Variants in CACNB2 observed in about 807,000 individuals in gnomAD.
CACNB2 encodes calcium voltage-gated channel auxiliary subunit beta 2, also known as voltage-dependent L-type calcium channel subunit beta-2.
Under a neutral mutation model 73.3 loss-of-function variants are expected in CACNB2, and 42 were observed. That is an observed-to-expected ratio of 0.57 (90% CI 0.45 to 0.74). The LOEUF (loss-of-function observed/expected upper bound fraction) is 0.74, where lower values mean the gene tolerates loss of function less well. Among genes scored for constraint, CACNB2 ranks in the 30% least tolerant of loss-of-function variants. CACNB2 has a pLI of 0.00. For synonymous variants in CACNB2, 348 were observed against 310.3 expected, an observed-to-expected ratio of 1.12 and a Z score of -1.28; for missense variants, 940 against 853.0, an observed-to-expected ratio of 1.10 and a Z score of -1.27.
rs764050459 is a variant in CACNB2 at position 18,518,333 on chromosome 10, C to A, written c.805-3C>A. The A allele has an allele frequency of 6.2e-7, 1 of 1,608,634 alleles. No individual in the cohort carries two copies. Among genetic ancestry groups the A allele is most frequent in the Non-Finnish European group, 8.5e-7 (1 of 1,175,010 alleles). On this transcript the variant is annotated splice_polypyrimidine_tract_variant and splice_region_variant and intron_variant, in intron 7 of 13. Transcript: ENST00000324631. ...CGTCTAAAAGCCTCTCCTCTCTCTG[C>A]AGACAGAGCACACTCCTCCGTATGA...
At chr10:18,437,601 G>A (rs918408212) in intron 3 of CACNB2, among the ~76,000 whole-genome samples, 5 of 152,146 alleles carry the variant, frequency 3.3e-5, no homozygotes, top group African/African-American at 9.7e-5. Flanking sequence ...ATTCAATCAC[G>A]TGGGCCAATC....
chr10:18,314,168 C>T (rs1449550904), intron 2 of CACNB2, among the ~76,000 whole-genome samples: 2 of 152,024 alleles, frequency 1.3e-5, no homozygotes, highest in Non-Finnish European at 1.5e-5. Flanking sequence ...ACTAAATTCC[C>T]GATATTGTGG....
chr10:18,260,153 CAT>C (rs1251107344), intron 2 of CACNB2, among the ~76,000 whole-genome samples: 11 of 152,274 alleles, frequency 7.2e-5, no homozygotes, highest in South Asian at 2.1e-4. Context: ...TGAATCTCCA[CAT>C]GTCTTAATGA....
intron 2 of CACNB2, among the ~76,000 whole-genome samples, chr10:18,373,091 C>T (rs919255992): frequency 2.6e-5 from 4 of 152,132 alleles, no homozygotes; most frequent in East Asian, 1.9e-4. Context: ...GCTAGGATTA[C>T]AGGTGTGAGC....
chr10:18,171,507 C>A (rs372290454), intron 2 of CACNB2, among the ~76,000 whole-genome samples: 1 of 90,402 alleles, frequency 1.1e-5, no homozygotes, highest in East Asian at 2.9e-4. Flanking sequence ...CCCTTCTTCC[C>A]GGCTTTGATA....
intron 2 of CACNB2, among the ~76,000 whole-genome samples, chr10:18,386,272 G>A (rs747693138): frequency 6.6e-6 from 1 of 151,790 alleles, no homozygotes; most frequent in Admixed American, 6.6e-5. Flanking sequence ...TGGGTTGTTG[G>A]TGTTTTTCTT....
chr10:18,318,873 A>G (rs1034673808), intron 2 of CACNB2, among the ~76,000 whole-genome samples: 2 of 152,248 alleles, frequency 1.3e-5, no homozygotes, highest in African/African-American at 4.8e-5. Context: ...AGATTATCAA[A>G]CAAATGCAAA....
intron 2 of CACNB2, among the ~76,000 whole-genome samples, chr10:18,266,734 C>T (rs1444660443): frequency 1.3e-5 from 2 of 152,036 alleles, no homozygotes; most frequent in Non-Finnish European, 2.9e-5. Context: ...ACTAAAAATA[C>T]AAGAACTTAG....
intron 3 of CACNB2, among the ~76,000 whole-genome samples, chr10:18,483,636 T>G (rs1180399220): frequency 6.6e-6 from 1 of 152,160 alleles, no homozygotes; most frequent in Non-Finnish European, 1.5e-5. Context: ...GCTAGACCTC[T>G]GTGAACTTAG....
At chr10:18,203,177 T>C (rs1458718397) in intron 2 of CACNB2, among the ~76,000 whole-genome samples, 3 of 152,188 alleles carry the variant, frequency 2.0e-5, no homozygotes, top group African/African-American at 7.2e-5. Context: ...TTCTTTCATC[T>C]GTATTCTGGT....
At chr10:18,400,961 C>CGG in intron 2 of CACNB2, 1 of 1,610,006 alleles carries the variant, frequency 6.2e-7, no homozygotes, top group Non-Finnish European at 8.5e-7. Flanking sequence ...TGGGGTTCTC[C>CGG]GGGGCTCAGC....
chr10:18,538,070 A>G (rs918524599), intron 12 of CACNB2, 110 bp from the exon 13 acceptor site: 40 of 984,038 alleles, frequency 4.1e-5, no homozygotes, highest in Non-Finnish European at 6.2e-5. Context: ...TAGAAGCAGG[A>G]GCAAGTACAA....
chr10:18,220,235 A>G (rs1203918713), intron 2 of CACNB2, among the ~76,000 whole-genome samples: 558 of 37,540 alleles, frequency 0.015, 25 homozygotes, highest in African/African-American at 0.063. Context: ...ATATATATAG[A>G]GAGAGAGAGA....
At chr10:18,350,411 A>T (rs2041657568) in intron 2 of CACNB2, among the ~76,000 whole-genome samples, 1 of 152,170 alleles carries the variant, frequency 6.6e-6, no homozygotes, top group Admixed American at 6.5e-5. Flanking sequence ...CAGGAATTGG[A>T]AGCAAAAGGG....
rs77148740 is a variant in CACNB2, at chr10:18,244,481, G to T, written c.213+93506G>T. ...ATAAAAAAATTGATGCACATATTCA[G>T]GTGAAGCATAATACTGATTCTTGCC... On this transcript the variant is annotated intron_variant, in intron 2 of 13. Transcript: ENST00000324631. 5.3e-3 allele frequency among the ~76,000 whole-genome samples: 804 copies of T among 152,340 alleles called. 5 individuals are homozygous for T. The highest frequency in any genetic ancestry group is 8.4e-3 in the Non-Finnish European group (571 of 68,038).
At chr10:18,456,550 C>A (rs2047291883) in intron 3 of CACNB2, among the ~76,000 whole-genome samples, 1 of 152,138 alleles carries the variant, frequency 6.6e-6, no homozygotes, top group South Asian at 2.1e-4. Context: ...TCATAGGCCA[C>A]CCTTATGAGC....
At chr10:18,286,908 T>A (rs2038828024) in intron 2 of CACNB2, among the ~76,000 whole-genome samples, 3 of 152,200 alleles carry the variant, frequency 2.0e-5, no homozygotes, top group Admixed American at 2.0e-4. Flanking sequence ...TGACCCTACC[T>A]ATTAATCGAC....
rs112187383 is a variant in CACNB2, at chr10:18,174,386, T to TCTC, written c.213+23411_213+23412insCTC. On this transcript the variant is annotated intron_variant, in intron 2 of 13. Coordinates refer to ENST00000324631, the MANE Select transcript of CACNB2 (RefSeq NM_201596.3). Reference sequence around the variant, plus strand: ...CTTTTTCTTTCTTTCTCTTTTTCTTTTCTTTCTTTCTCTCTTTCTTTCCTT... The same window carrying TCTC: ...CTTTTTCTTTCTTTCTCTTTTTCTTTCTCTCTTTCTTTCTCTCTTTCTTTCCTT... Among the ~76,000 whole-genome samples, 134 of 140,214 alleles carry TCTC rather than the reference T, an allele frequency of 9.6e-4. 2 individuals are homozygous for TCTC. The highest frequency in any genetic ancestry group is 3.4e-3 in the African/African-American group (128 of 37,180). 92.0% of individuals were successfully genotyped at this position (140,214 alleles called of 152,430 possible). A position where few individuals can be genotyped will look rare whatever the true frequency, so the allele number is the denominator to read the frequency against.
intron 2 of CACNB2, among the ~76,000 whole-genome samples, chr10:18,265,792 G>A (rs2037771773): frequency 6.6e-6 from 1 of 152,198 alleles, no homozygotes; most frequent in Non-Finnish European, 1.5e-5. Context: ...CTTCTGGCCT[G>A]ATACGTAGTT....
Sources: allele counts gnomAD v4.1 joint callset (sites outside exome capture counted in the v4.1 genomes callset), GRCh38; gene constraint gnomAD v4.1.1; transcripts MANE v1.5; gene names NCBI Gene and HGNC (gene_info 2026-07-23, HGNC 2026-07-21).